The following FABP6 variants were observed in gnomAD, a reference collection of about 807,000 sequenced individuals.
The protein encoded by FABP6 is gastrotropin.
In FABP6, 13 loss-of-function variants were observed where a neutral mutation model predicts 14.9. That is an observed-to-expected ratio of 0.87 (90% CI 0.57 to 1.39). The LOEUF (loss-of-function observed/expected upper bound fraction) is 1.39. Among genes scored for constraint, FABP6 ranks in the 40% most tolerant of loss-of-function variants. The pLI, the probability that FABP6 is intolerant of heterozygous loss-of-function variation, is 0.00. For synonymous variants in FABP6, 75 were observed against 63.6 expected, an observed-to-expected ratio of 1.18 and a Z score of -0.85; for missense variants, 161 against 167.2, an observed-to-expected ratio of 0.96 and a Z score of 0.20.
At position 160,189,094 on chromosome 5, in the gene FABP6, C is replaced by G. The variant is rs139454206; in HGVS notation, c.-59+1640C>G. On this transcript the variant is annotated intron_variant, in intron 1 of 6. Coordinates refer to the FABP6 transcript ENST00000393980. ...TACTTCGGGTTTTGCAGGCCACACT[C>G]TCTGTCACAGCTATTCAACTCCGTC... Among the ~76,000 whole-genome samples the G allele has an allele frequency of 8.6e-3, 1,306 of 152,258 alleles. 16 individuals are homozygous for G. The highest frequency in any genetic ancestry group is 0.029 in the African/African-American group (1,195 of 41,540).
At chr5:160,234,979 A>C (rs1464644649) in intron 3 of FABP6, 70 bp downstream of exon 3, 4 of 1,394,436 alleles carry the variant, frequency 2.9e-6, no homozygotes, top group Non-Finnish European at 4.0e-6. Flanking sequence ...GCCCCTCAGA[A>C]GTAGGCCTCT....
chr5:160,230,550 C>T (rs758714913), intron 1 of FABP6, among the ~76,000 whole-genome samples: 141 of 151,410 alleles, frequency 9.3e-4, no homozygotes, highest in Non-Finnish European at 1.4e-3. Flanking sequence ...TCAGTAGAGA[C>T]GGGGTATCAC....
intron 2 of FABP6, among the ~76,000 whole-genome samples, chr5:160,208,285 A>G (rs1209154627): frequency 2.6e-5 from 4 of 152,086 alleles, no homozygotes; most frequent in Admixed American, 6.6e-5. Context: ...TCTAAAAAAA[A>G]AAATTAGTCA....
Position 160,229,611 on chromosome 5 carries a change from C to G in FABP6, c.54C>G (p.Phe18Leu). 1.2e-6 allele frequency: 2 copies of G among 1,613,884 alleles called. No individual in the cohort carries two copies. Among genetic ancestry groups the G allele is most frequent in the South Asian group, 2.2e-5 (2 of 91,056 alleles). ...AGAGTGAGAAGAATTATGATGAGTT[C>G]ATGAAGCTCCTTGGTGAGTGAGCTC... The part of the protein sequence containing the change: ...EMESEKNYDE[F>L]MKLLGISSDV... The change falls in exon 1 of 4, where the codon TTC (phenylalanine) becomes TTG (leucine). Residue 18 changes from phenylalanine to leucine, a missense_variant. Physicochemically the swap from Phe to Leu is conservative, Grantham distance 22. Transcript: ENST00000402432.
At chr5:160,227,431 G>T (rs1355166188), upstream of FABP6, among the ~76,000 whole-genome samples, 1 of 151,002 alleles carries the variant, frequency 6.6e-6, no homozygotes, top group Non-Finnish European at 1.5e-5. Context: ...GGAGGCTGAG[G>T]CAGGAGAATC....
chr5:160,205,559 C>T (rs1185202681), intron 2 of FABP6, among the ~76,000 whole-genome samples: 2 of 152,178 alleles, frequency 1.3e-5, no homozygotes, highest in African/African-American at 4.8e-5. Flanking sequence ...GAGGGACCTT[C>T]ATTAGTCTAA....
chr5:160,220,739 T>G (rs1182508749), intron 3 of FABP6, among the ~76,000 whole-genome samples: 1 of 152,102 alleles, frequency 6.6e-6, no homozygotes, highest in East Asian at 1.9e-4. Context: ...CAGTCTTTAT[T>G]TCTTTGATCA....
chr5:160,193,422 T>G, intron 1 of FABP6, among the ~76,000 whole-genome samples: 1 of 152,092 alleles, frequency 6.6e-6, no homozygotes, highest in Admixed American at 6.5e-5. Context: ...GCTTCCACAG[T>G]GTGGAAGGGG....
intron 2 of FABP6, among the ~76,000 whole-genome samples, chr5:160,203,694 A>G (rs1162195264): frequency 6.7e-6 from 1 of 148,452 alleles, no homozygotes; most frequent in African/African-American, 2.5e-5. Flanking sequence ...AATCTCAGAT[A>G]TTATATTTCT....
chr5:160,210,961 G>A (rs977618137), intron 2 of FABP6, among the ~76,000 whole-genome samples: 4 of 152,154 alleles, frequency 2.6e-5, no homozygotes, highest in Non-Finnish European at 1.5e-5. Flanking sequence ...GGAGCGGGAC[G>A]ACCTTTTGCC....
At chr5:160,188,421 G>A (rs1233283579) in intron 1 of FABP6, among the ~76,000 whole-genome samples, 3 of 152,140 alleles carry the variant, frequency 2.0e-5, no homozygotes, top group Admixed American at 6.5e-5. Flanking sequence ...GGAACTGGGC[G>A]GTGGGAGGTG....
intron 2 of FABP6, among the ~76,000 whole-genome samples, chr5:160,203,284 A>G (rs1314814580): frequency 2.6e-5 from 4 of 152,214 alleles, no homozygotes; most frequent in Non-Finnish European, 5.9e-5. Context: ...TCAAAGTTAC[A>G]TTCCTTGTAG....
intron 3 of FABP6, among the ~76,000 whole-genome samples, chr5:160,220,691 G>A (rs926260970): frequency 1.3e-4 from 20 of 151,894 alleles, no homozygotes; most frequent in African/African-American, 4.8e-4. Context: ...GGAAGTGGTC[G>A]GGTAATGTTT....
At chr5:160,201,001 A>ACG (rs1759627013) in intron 2 of FABP6, among the ~76,000 whole-genome samples, 2 of 152,086 alleles carry the variant, frequency 1.3e-5, no homozygotes, top group South Asian at 4.1e-4. Flanking sequence ...ATATATACAC[A>ACG]TATGAATGTA....
At chr5:160,235,963 G>A (rs569216777) in intron 3 of FABP6, among the ~76,000 whole-genome samples, 2 of 151,358 alleles carry the variant, frequency 1.3e-5, no homozygotes, top group African/African-American at 4.9e-5. Context: ...GCTTATGAGG[G>A]CCCCCGTCCT....
At chr5:160,194,422 C>A (rs539380595) in intron 1 of FABP6, among the ~76,000 whole-genome samples, 1 of 152,106 alleles carries the variant, frequency 6.6e-6, no homozygotes, top group African/African-American at 2.4e-5. Flanking sequence ...GAGGAGGCCC[C>A]GAGAGTGAGC....
upstream of FABP6, among the ~76,000 whole-genome samples, chr5:160,228,110 G>A (rs977603040): frequency 9.2e-5 from 14 of 151,948 alleles, no homozygotes; most frequent in African/African-American, 7.3e-5. Context: ...AATAATAATT[G>A]GCCGGGTGTG....
intron 2 of FABP6, among the ~76,000 whole-genome samples, chr5:160,209,101 A>AG (rs753954116): frequency 1.3e-5 from 2 of 152,068 alleles, no homozygotes; most frequent in East Asian, 3.9e-4. Context: ...TAAAAAAAAA[A>AG]GAATTAGTCA....
chr5:160,193,969 G>C (rs952206904), intron 1 of FABP6, among the ~76,000 whole-genome samples: 1 of 152,346 alleles, frequency 6.6e-6, no homozygotes, highest in Non-Finnish European at 1.5e-5. Context: ...GGGGAGGCTC[G>C]GGCTGCACAG....
Sources: gnomAD v4.1 joint callset for allele counts (sites outside exome capture counted in the v4.1 genomes callset) on GRCh38, gnomAD v4.1.1 for gene constraint, MANE v1.5 for transcripts, NCBI Gene and HGNC (gene_info 2026-07-23, HGNC 2026-07-21) for gene names.